The following ERBB4 variants were observed in gnomAD, a reference collection of about 807,000 sequenced individuals.
ERBB4 encodes erb-b2 receptor tyrosine kinase 4, also known as receptor tyrosine-protein kinase erbB-4.
A neutral mutation model predicts 158.0 loss-of-function variants in ERBB4; 42 were observed. The observed-to-expected ratio is 0.27, with a 90% confidence interval of 0.21 to 0.34. ERBB4 has a LOEUF of 0.34. ERBB4 is among the 10% of genes least tolerant of loss of function. The probability of loss-of-function intolerance (pLI) is 1.00; values close to 1 mark genes in which losing one functional copy is unlikely to be tolerated. For synonymous variants in ERBB4, 583 were observed against 558.7 expected (o/e 1.04, Z -0.61); for missense variants, 1,333 against 1,624.1 (o/e 0.82, Z 3.08).
chr2:211,699,753 T>C (rs754683555), intron 12 of ERBB4, among the ~76,000 whole-genome samples: 1 of 152,146 alleles, frequency 6.6e-6, no homozygotes. Context: ...CCAAGAAGCA[T>C]AACACTGAAA....
chr2:212,391,496 C>T (rs114538379), intron 1 of ERBB4, among the ~76,000 whole-genome samples: 156 of 150,242 alleles, frequency 1.0e-3, no homozygotes, highest in Middle Eastern at 6.9e-3. Flanking sequence ...GAATTTTAAC[C>T]CCTAAACTAA....
intron 1 of ERBB4, among the ~76,000 whole-genome samples, chr2:212,387,177 G>T (rs899595300): frequency 6.6e-5 from 10 of 152,078 alleles, no homozygotes; most frequent in African/African-American, 2.4e-4. Flanking sequence ...ACGGTTATTT[G>T]TATCTTTTTG....
chr2:211,645,794 A>G (rs543553015), intron 16 of ERBB4, among the ~76,000 whole-genome samples: 6 of 151,834 alleles, frequency 4.0e-5, no homozygotes, highest in African/African-American at 1.4e-4. Context: ...CTCACATTGT[A>G]ACTTCTGTAA....
intron 20 of ERBB4, among the ~76,000 whole-genome samples, chr2:211,511,482 T>C (rs942122037): frequency 2.0e-5 from 3 of 152,086 alleles, no homozygotes; most frequent in Admixed American, 6.5e-5. Flanking sequence ...TGAAAGAGAA[T>C]AATTTAATGG....
At chr2:212,050,227 G>A (rs1295357329) in intron 2 of ERBB4, among the ~76,000 whole-genome samples, 1 of 152,026 alleles carries the variant, frequency 6.6e-6, no homozygotes, top group Non-Finnish European at 1.5e-5. Context: ...ACTTACTCAG[G>A]TAATCGTATC....
rs1574890747 is a variant in ERBB4 at position 211,630,675 on chromosome 2, A to G, written c.1947-81T>C. On this transcript the variant is annotated intron_variant, in intron 16 of 27. Transcript: ENST00000342788. ...AGGAAGAGAAAAGAGCAGTTGTACAAGACATTATCCACATTTCACAAATCT... is the reference window on the plus strand; with the variant it reads ...AGGAAGAGAAAAGAGCAGTTGTACAGGACATTATCCACATTTCACAAATCT... 2.4e-6 allele frequency: 3 copies of G among 1,238,302 alleles called. No individual in the cohort carries two copies. The East Asian group carries it at 7.0e-5, about 29-fold the overall frequency. The allele number at this position is 1,238,302 out of a possible 1,614,324, so 76.7% of individuals were successfully genotyped here. A position where few individuals can be genotyped will look rare whatever the true frequency, so the allele number is the denominator to read the frequency against.
intron 2 of ERBB4, among the ~76,000 whole-genome samples, chr2:212,110,849 T>C (rs1476540117): frequency 7.4e-6 from 1 of 134,570 alleles, no homozygotes; most frequent in Non-Finnish European, 1.7e-5. Context: ...CTTAACTTCT[T>C]GTTTGTTGAA....
chr2:212,393,111 T>G (rs2090926775), intron 1 of ERBB4, among the ~76,000 whole-genome samples: 1 of 152,070 alleles, frequency 6.6e-6, no homozygotes, highest in Non-Finnish European at 1.5e-5. Flanking sequence ...CTCTCTGCTC[T>G]CTCCAAACCT....
chr2:212,520,401 T>C (rs575130304), intron 1 of ERBB4, among the ~76,000 whole-genome samples: 1 of 151,954 alleles, frequency 6.6e-6, no homozygotes, highest in Non-Finnish European at 1.5e-5. Flanking sequence ...TGGGTTACTA[T>C]TCTTGCACAT....
chr2:212,065,662 CTG>C (rs891992586), intron 2 of ERBB4, among the ~76,000 whole-genome samples: 6 of 152,070 alleles, frequency 3.9e-5, no homozygotes, highest in African/African-American at 1.4e-4. Flanking sequence ...GAAGTGGAAA[CTG>C]TGTGAAAATG....
intron 5 of ERBB4, among the ~76,000 whole-genome samples, chr2:211,740,171 G>A (rs746968319): frequency 2.0e-5 from 3 of 152,080 alleles, no homozygotes; most frequent in Non-Finnish European, 4.4e-5. Context: ...AGGTATTTCC[G>A]TGGTCATAAT....
chr2:211,770,467 TC>T lies in ERBB4; in HGVS notation c.556+17557del, dbSNP rs571230178. ...ATTCAAATTGCTTTGTCTTTCTCCA[TC>T]TATTATGTTTGAACGGTGTGAAAAC... is the stretch of plus-strand genomic sequence containing the variant. On this transcript the variant is annotated intron_variant, in intron 4 of 27. Transcript: ENST00000342788. Among the ~76,000 whole-genome samples, 15 of 152,328 alleles carry T rather than the reference TC, an allele frequency of 9.8e-5. No homozygotes were observed. The South Asian group carries it at 3.1e-3, about 32-fold the overall frequency.
intron 2 of ERBB4, among the ~76,000 whole-genome samples, chr2:212,113,198 T>C (rs2079467723): frequency 6.6e-6 from 1 of 152,074 alleles, no homozygotes; most frequent in Non-Finnish European, 1.5e-5. Context: ...GACTGTATGA[T>C]TTTCCAAATA....
At chr2:212,004,497 C>T (rs1311425642) in intron 2 of ERBB4, among the ~76,000 whole-genome samples, 1 of 152,168 alleles carries the variant, frequency 6.6e-6, no homozygotes, top group African/African-American at 2.4e-5. Context: ...TTCCCTATCC[C>T]TGTCAATTGG....
At chr2:211,854,914 T>C (rs896890212) in intron 3 of ERBB4, among the ~76,000 whole-genome samples, 6 of 152,168 alleles carry the variant, frequency 3.9e-5, no homozygotes, top group African/African-American at 1.4e-4. Flanking sequence ...AGGCATATTA[T>C]ACCTTTAGCC....
intron 1 of ERBB4, among the ~76,000 whole-genome samples, chr2:212,261,360 T>G (rs1165338554): frequency 6.6e-6 from 1 of 152,146 alleles, no homozygotes; most frequent in African/African-American, 2.4e-5. Flanking sequence ...AGGATCAATC[T>G]TAGGTAGGAC....
At chr2:212,032,542 A>G (rs1198934604) in intron 2 of ERBB4, among the ~76,000 whole-genome samples, 2 of 152,102 alleles carry the variant, frequency 1.3e-5, no homozygotes, top group South Asian at 2.1e-4. Context: ...ACCACTTTTG[A>G]TAAGTACATA....
Position 211,714,440 on chromosome 2 carries a change from G to A in ERBB4, c.884-792C>T, listed in dbSNP as rs62182966. 8.5e-3 allele frequency among the ~76,000 whole-genome samples: 1,293 copies of A among 152,290 alleles called. 8 individuals carry two copies. The highest frequency in any genetic ancestry group is 0.02 in the Middle Eastern group (6 of 294). On this transcript the variant is annotated intron_variant, in intron 7 of 27. Transcript: ENST00000342788. ...TGGAATGCTTACAGCCTTGAGGGGT[G>A]CCCAAAGCAGAAACGGCATATGATG... is the stretch of plus-strand genomic sequence containing the variant.
At chr2:212,334,922 A>C (rs1319699244) in intron 1 of ERBB4, among the ~76,000 whole-genome samples, 1 of 151,978 alleles carries the variant, frequency 6.6e-6, no homozygotes, top group Non-Finnish European at 1.5e-5. Context: ...ATATTTCATA[A>C]GTAAGCAGGT....
Sources: gnomAD v4.1 joint callset for allele counts (sites outside exome capture counted in the v4.1 genomes callset) on GRCh38, gnomAD v4.1.1 for gene constraint, MANE v1.5 for transcripts, NCBI Gene and HGNC (gene_info 2026-07-23, HGNC 2026-07-21) for gene names.